PTPRA: variants seen among roughly 807,000 people sequenced by gnomAD.
The protein encoded by PTPRA is receptor-type tyrosine-protein phosphatase alpha.
Under a neutral mutation model 104.8 loss-of-function variants are expected in PTPRA, and 25 were observed. The observed-to-expected ratio is 0.24, with a 90% CI of 0.17 to 0.33. The LOEUF is 0.33. PTPRA is among the 10% of genes least tolerant of loss of function. The probability of loss-of-function intolerance (pLI) is 1.00; values close to 1 mark genes in which losing one functional copy is unlikely to be tolerated. For missense variants in PTPRA, 765 were observed against 1,015.3 expected (o/e 0.75, Z 3.35); for synonymous variants, 323 against 368.9 (o/e 0.88, Z 1.43).
intron 6 of PTPRA, among the ~76,000 whole-genome samples, chr20:2,979,388 C>CT (rs1357932475): frequency 6.6e-6 from 1 of 152,202 alleles, no homozygotes; most frequent in African/African-American, 2.4e-5. Context: ...TCTCCTGGAC[C>CT]TATCCAGTTC....
chr20:2,919,353 T>G (rs537901610), intron 1 of PTPRA, among the ~76,000 whole-genome samples: 40 of 152,292 alleles, frequency 2.6e-4, no homozygotes, highest in Middle Eastern at 6.8e-3. Context: ...TAAGTTAAAC[T>G]AAAAAGAAAC....
chr20:2,965,200 C>T lies in PTPRA; in HGVS notation c.413C>T (p.Ser138Leu). Residue 138 changes from serine (S) to leucine (L), a missense_variant and splice_region_variant, in exon 5 of 24, where the codon TCA (serine) becomes TTA (leucine). By Grantham distance (145) the Ser-to-Leu change is moderately radical. Around this residue, in one of 4 missense-constraint regions of PTPRA, gnomAD observed 256 missense variants for 248.9 expected, o/e 1.03. Coordinates refer to ENST00000399903, the MANE Select transcript of PTPRA (RefSeq NM_001385305.1). ...AATTPETFPP[S>L]GNSDSKDRRD... ...ACCACTCCAGAAACTTTCCCTCCTT[C>T]AGGTACTAGAGATGATTCTGTTTGT... The T allele has an allele frequency of 6.2e-7, 1 of 1,602,572 alleles. No individual in the cohort carries two copies. The highest frequency in any genetic ancestry group is 8.5e-7 in the Non-Finnish European group (1 of 1,170,612).
At chr20:3,015,926 A>T in intron 12 of PTPRA, 41 bp downstream of exon 12, 1 of 1,527,358 alleles carries the variant, frequency 6.5e-7, no homozygotes, top group East Asian at 2.3e-5. Flanking sequence ...TTTAACCATG[A>T]TCACATAATG....
Position 3,035,994 on chromosome 20 carries a change from A to T in PTPRA, c.2198+53A>T. 6.2e-7 allele frequency: 1 copy of T among 1,609,940 alleles called. No individual in the cohort carries two copies. The highest frequency in any genetic ancestry group is 1.1e-5 in the South Asian group (1 of 90,846). On this transcript the variant is annotated intron_variant, in intron 22 of 23. Transcript: ENST00000399903. The surrounding 1 kb of genome is among the most constrained non-coding windows in gnomAD (Gnocchi z 5.8). ...AGAGAGAAAGCGAGGAGGGGCAGATAGGGGAAGCTGATGACCATGGGTCAG... is the reference window on the plus strand; with the variant it reads ...AGAGAGAAAGCGAGGAGGGGCAGATTGGGGAAGCTGATGACCATGGGTCAG...
chr20:2,969,897 G>A (rs548280232), intron 5 of PTPRA, among the ~76,000 whole-genome samples: 1 of 152,048 alleles, frequency 6.6e-6, no homozygotes, highest in East Asian at 2.0e-4. Flanking sequence ...GTGAACCCAG[G>A]AGGTGGAGCT....
chr20:2,917,745 G>T (rs2147301270), intron 1 of PTPRA, among the ~76,000 whole-genome samples: 1 of 151,776 alleles, frequency 6.6e-6, no homozygotes, highest in East Asian at 1.9e-4. Flanking sequence ...GCTGAAGTGG[G>T]AGGATTGCTT....
At chr20:2,889,185 C>T (rs2058705070) in intron 1 of PTPRA, among the ~76,000 whole-genome samples, 1 of 151,886 alleles carries the variant, frequency 6.6e-6, no homozygotes, top group Admixed American at 6.6e-5. Flanking sequence ...AATTTAAAAC[C>T]CAGTTTTCTT....
intron 3 of PTPRA, among the ~76,000 whole-genome samples, chr20:2,956,742 C>T (rs1232149534): frequency 6.6e-6 from 1 of 152,108 alleles, no homozygotes; most frequent in African/African-American, 2.4e-5. Context: ...CATTGATAGA[C>T]GTTAAGGGTA....
At chr20:2,958,658 TAAA>T (rs71195806) in intron 3 of PTPRA, among the ~76,000 whole-genome samples, 5 of 62,270 alleles carry the variant, frequency 8.0e-5, no homozygotes, top group Admixed American at 2.0e-4. Flanking sequence ...CCATCTCTAC[TAAA>T]AAAAAAAAAA....
At chr20:2,986,639 T>A in intron 6 of PTPRA, 126 bp from the exon 7 acceptor site, 1 of 808,484 alleles carries the variant, frequency 1.2e-6, no homozygotes, top group Non-Finnish European at 2.1e-6. Flanking sequence ...CTTCTCTGTT[T>A]CCATTTCCTG....
chr20:3,035,681 G>A lies in PTPRA; in HGVS notation c.2017G>A (p.Val673Ile), dbSNP rs61742029. Residue 673 changes from valine (V) to isoleucine (I), a missense_variant, in exon 21 of 24, where the codon GTC becomes ATC. By Grantham distance (29) the Val-to-Ile change is conservative. Transcript: ENST00000399903. This position sits in a 1 kb window ranked among gnomAD's most constrained non-coding sequence, Gnocchi z 5.8. ...GGAGGAGGAATGTGAGAGCTACACC[G>A]TCCGAGACCTCCTGGTCACCAACAC... ...KKEEECESYTVRDLLVTNTRE... is the reference protein window; with the variant it reads ...KKEEECESYTIRDLLVTNTRE... 1.1e-4 allele frequency: 185 copies of A among 1,614,210 alleles called. No individual in the cohort carries two copies. The East Asian group carries it at 2.7e-3, about 24-fold the overall frequency.
chr20:2,999,117 A>G (rs1568688238), intron 9 of PTPRA, among the ~76,000 whole-genome samples: 1 of 152,116 alleles, frequency 6.6e-6, no homozygotes, highest in South Asian at 2.1e-4. Flanking sequence ...ACCTTTTAAA[A>G]GGTGCCAATT....
Position 2,989,124 on chromosome 20 carries a change from C to T in PTPRA, c.738+650C>T, listed in dbSNP as rs1318385079. Reference sequence around the variant, plus strand: ...CCACCAGTTGGTGATCCTAGCCTACCAGTTCTGATCCCAGATCAGAAGAGC... The same window carrying T: ...CCACCAGTTGGTGATCCTAGCCTACTAGTTCTGATCCCAGATCAGAAGAGC... On this transcript the variant is annotated intron_variant, in intron 9 of 23. Coordinates refer to ENST00000399903, the MANE Select transcript of PTPRA (RefSeq NM_001385305.1). Among the ~76,000 whole-genome samples, 3 of 152,302 alleles carry T rather than the reference C, an allele frequency of 2.0e-5. No individual in the cohort carries two copies. In the South Asian group the frequency reaches 6.2e-4, roughly 32 times the overall value.
At chr20:2,948,625 G>A (rs1246987993) in intron 3 of PTPRA, among the ~76,000 whole-genome samples, 2 of 152,094 alleles carry the variant, frequency 1.3e-5, no homozygotes, top group South Asian at 2.1e-4. Context: ...AGCACTTCCC[G>A]CCATTTTCTA....
intron 2 of PTPRA, among the ~76,000 whole-genome samples, chr20:2,933,494 T>TCG (rs954681890): frequency 6.6e-6 from 1 of 151,922 alleles, no homozygotes; most frequent in Non-Finnish European, 1.5e-5. Context: ...AGATCATCAC[T>TCG]CTGTTACCCA....
At chr20:3,034,058 G>A (rs1229010466) in intron 20 of PTPRA, among the ~76,000 whole-genome samples, 1 of 152,086 alleles carries the variant, frequency 6.6e-6, no homozygotes, top group African/African-American at 2.4e-5. Context: ...ATCACCTGAG[G>A]TCAAGAGTTT....
In PTPRA at chr20:2,916,959, C is replaced by CTTT. The variant is rs35317223; in HGVS notation, c.-128-6234_-128-6232dup. Among the ~76,000 whole-genome samples, 40 of 131,522 alleles carry CTTT rather than the reference C, an allele frequency of 3.0e-4. 1 individual carries two copies. Among genetic ancestry groups the CTTT allele is most frequent in the South Asian group, 9.5e-4 (4 of 4,190 alleles). The allele number at this position is 131,522 out of a possible 152,430, so 86.3% of individuals were successfully genotyped here. A position where few individuals can be genotyped will look rare whatever the true frequency, so the allele number is the denominator to read the frequency against. ...AATTTTAGGATCAGTTTTTTTATTT[C>CTTT]TTTTTTTTTTTTTTTTGAGACAGAG... is the stretch of plus-strand genomic sequence containing the variant. On this transcript the variant is annotated intron_variant, in intron 1 of 23. Transcript: ENST00000399903.
intron 1 of PTPRA, among the ~76,000 whole-genome samples, chr20:2,920,451 C>T (rs543546490): frequency 6.6e-6 from 1 of 152,278 alleles, no homozygotes; most frequent in South Asian, 2.1e-4. Flanking sequence ...GATTATGATG[C>T]ACCTGAGCTG....
At chr20:2,989,365 G>A (rs565908293) in intron 9 of PTPRA, among the ~76,000 whole-genome samples, 3 of 152,224 alleles carry the variant, frequency 2.0e-5, no homozygotes, top group East Asian at 3.9e-4. Flanking sequence ...CCCAGGAGGC[G>A]GAGGTTGCAG....
Sources: gnomAD v4.1 joint callset for allele counts (sites outside exome capture counted in the v4.1 genomes callset) on GRCh38, gnomAD v4.1.1 for gene constraint, gnomAD v4.1.1 regional missense constraint, Gnocchi (gnomAD v3.1) non-coding constraint, MANE v1.5 for transcripts, NCBI Gene and HGNC (gene_info 2026-07-23, HGNC 2026-07-21) for gene names.